UGT2A1: variants seen among roughly 807,000 people sequenced by gnomAD.
UGT2A1 encodes the protein UDP glucuronosyltransferase family 2 member A1 complex locus.
UGT2A1 carries 61 observed loss-of-function variants against 45.4 expected under a neutral mutation model. The ratio of observed to expected loss-of-function variants is 1.34; its 90% CI spans 1.09 to 1.66. The LOEUF (loss-of-function observed/expected upper bound fraction) is 1.66. Among genes scored for constraint, UGT2A1 ranks in the 40% most tolerant of loss-of-function variants. The pLI, the probability that UGT2A1 is intolerant of heterozygous loss-of-function variation, is 0.00. For synonymous variants in UGT2A1, 229 were observed against 196.2 expected, an observed-to-expected ratio of 1.17 and a Z score of -1.40; for missense variants, 649 against 574.3, an observed-to-expected ratio of 1.13 and a Z score of -1.33.
In UGT2A1 at chr4:69,647,373, A is replaced by G. The variant is rs1309846330; in HGVS notation, c.272T>C (p.Val91Ala). ...ERIEGVIKDFVLTWLENRPSP... is the reference protein window; with the variant it reads ...ERIEGVIKDFALTWLENRPSP... ...TGGTCTATTTTCCAGCCATGTCAAA[A>G]CGAAGTCCTTAATTACTCCTTCTAT... Residue 91 changes from valine (V) to alanine (A), a missense_variant, in exon 2 of 7, where the codon GTT becomes GCT. Transcript: ENST00000286604. 2.5e-6 allele frequency: 4 copies of G among 1,613,154 alleles called. No homozygotes were observed. In the African/African-American group the frequency reaches 5.3e-5, roughly 22 times the overall value.
rs555825196 is a variant in UGT2A1 at position 69,647,259 on chromosome 4, A to G, written c.386T>C (p.Val129Ala). The G allele has an allele frequency of 1.2e-6, 2 of 1,613,382 alleles. No individual in the cohort carries two copies. Among genetic ancestry groups the G allele is most frequent in the African/African-American group, 2.7e-5 (2 of 74,968 alleles). ...HMVSQEICDG[V>A]LKNQQLMAKL... is the part of the protein sequence containing the mutation. Reference sequence around the variant, plus strand: ...TGCCATCAGCTGTTGGTTTTTAAGAACGCCATCACAGATCTCCTGAGACAC... The same window carrying G: ...TGCCATCAGCTGTTGGTTTTTAAGAGCGCCATCACAGATCTCCTGAGACAC... The change falls in exon 2 of 7, where the codon GTT (valine) becomes GCT (alanine). Residue 129 changes from valine (V) to alanine (A), a missense_variant. Transcript: ENST00000286604.
chr4:69,610,004 T>C (rs1719937788), intron 3 of UGT2A1, among the ~76,000 whole-genome samples: 1 of 152,164 alleles, frequency 6.6e-6, no homozygotes. Flanking sequence ...AAATAACATA[T>C]AACTAGCAGA....
At chr4:69,613,609 T>G (rs758761470) in intron 3 of UGT2A1, among the ~76,000 whole-genome samples, 4 of 151,940 alleles carry the variant, frequency 2.6e-5, no homozygotes, top group Non-Finnish European at 4.4e-5. Flanking sequence ...CAACAACATA[T>G]TAAAAAGATC....
chr4:69,614,415 T>A (rs1583242), intron 3 of UGT2A1, among the ~76,000 whole-genome samples: 59,857 of 151,518 alleles, frequency 0.4, 12,109 homozygotes, highest in African/African-American at 0.47. Context: ...TACAGATTCA[T>A]TGCAATCCCT....
rs1719527007 is a variant in UGT2A1 at position 69,605,095 on chromosome 4, C to T, written c.848-5701G>A. On this transcript the variant is annotated intron_variant, in intron 3 of 6. Coordinates refer to ENST00000286604, the MANE Select transcript of UGT2A1 (RefSeq NM_001252275.3). ...CCTAATACACATCTACAGAATTATC[C>T]ACCCCAAATCAACAGAATATACATT... Among the ~76,000 whole-genome samples the T allele has an allele frequency of 1.5e-5, 2 of 136,764 alleles. 1 individual carries two copies. The highest frequency in any genetic ancestry group is 5.9e-5 in the African/African-American group (2 of 33,760). 89.7% of individuals were successfully genotyped at this position (136,764 alleles called of 152,430 possible).
intron 1 of UGT2A1, among the ~76,000 whole-genome samples, chr4:69,650,596 CA>C (rs1336486104): frequency 6.6e-6 from 1 of 151,520 alleles, no homozygotes; most frequent in Non-Finnish European, 1.5e-5. Flanking sequence ...AATGAATATA[CA>C]AAAAATACCA....
intron 4 of UGT2A1, among the ~76,000 whole-genome samples, chr4:69,596,836 T>C (rs1227584923): frequency 6.6e-6 from 1 of 152,168 alleles, no homozygotes; most frequent in African/African-American, 2.4e-5. Context: ...ATAGTCTCCT[T>C]AAGAGGAAAC....
intron 3 of UGT2A1, among the ~76,000 whole-genome samples, chr4:69,621,751 T>C (rs1720770542): frequency 6.6e-6 from 1 of 151,934 alleles, no homozygotes; most frequent in African/African-American, 2.4e-5. Flanking sequence ...GAAGTCAACC[T>C]AAATGCCTAT....
intron 3 of UGT2A1, among the ~76,000 whole-genome samples, chr4:69,612,823 G>T (rs1720142038): frequency 6.7e-6 from 1 of 150,086 alleles, no homozygotes; most frequent in Non-Finnish European, 1.5e-5. Flanking sequence ...CCATGGCAAA[G>T]AACTTTTGGC....
intron 2 of UGT2A1, among the ~76,000 whole-genome samples, chr4:69,643,960 T>C (rs567919428): frequency 1.3e-5 from 2 of 151,790 alleles, no homozygotes; most frequent in East Asian, 3.9e-4. Context: ...CACTCTGTCA[T>C]GTCAATACTT....
chr4:69,651,902 C>T (rs1722542084), intron 1 of UGT2A1, among the ~76,000 whole-genome samples: 1 of 152,170 alleles, frequency 6.6e-6, no homozygotes, highest in Non-Finnish European at 1.5e-5. Context: ...GTGGGCAGCC[C>T]ACCCTAAGGG....
At chr4:69,598,031 A>T (rs961130034) in intron 4 of UGT2A1, among the ~76,000 whole-genome samples, 2 of 152,070 alleles carry the variant, frequency 1.3e-5, no homozygotes, top group Admixed American at 1.3e-4. Flanking sequence ...TGGGAGGAAA[A>T]ACATAATAGG....
intron 2 of UGT2A1, among the ~76,000 whole-genome samples, chr4:69,642,471 T>C (rs1006469879): frequency 6.6e-6 from 1 of 151,776 alleles, no homozygotes; most frequent in African/African-American, 2.4e-5. Context: ...AAGACCTAAG[T>C]AGTAATGTAT....
At chr4:69,630,673 A>G (rs866099377) in intron 3 of UGT2A1, among the ~76,000 whole-genome samples, 4 of 152,160 alleles carry the variant, frequency 2.6e-5, no homozygotes, top group Non-Finnish European at 5.9e-5. Flanking sequence ...ACTGGTCACA[A>G]AATAAAAACC....
intron 3 of UGT2A1, among the ~76,000 whole-genome samples, chr4:69,629,917 A>C (rs1721291729): frequency 6.6e-6 from 1 of 152,098 alleles, no homozygotes; most frequent in Non-Finnish European, 1.5e-5. Flanking sequence ...ATTTTGGTAA[A>C]ACAAAATGTA....
intron 3 of UGT2A1, among the ~76,000 whole-genome samples, chr4:69,610,523 T>C (rs1246949873): frequency 6.6e-6 from 1 of 152,184 alleles, no homozygotes; most frequent in Admixed American, 6.6e-5. Flanking sequence ...ACACAAACTT[T>C]AAATAATCTG....
At chr4:69,637,928 C>CAGGA (rs989226820) in intron 2 of UGT2A1, among the ~76,000 whole-genome samples, 65 of 117,114 alleles carry the variant, frequency 5.6e-4, no homozygotes, top group African/African-American at 2.1e-3. Flanking sequence ...GGCAGGCAGG[C>CAGGA]AGGAAGGAAG....
chr4:69,641,256 G>A (rs1722034735), intron 2 of UGT2A1, among the ~76,000 whole-genome samples: 1 of 151,850 alleles, frequency 6.6e-6, no homozygotes, highest in African/African-American at 2.4e-5. Context: ...CTAATTTAGT[G>A]AAGAACAATA....
At chr4:69,633,132 G>A (rs965852199) in intron 3 of UGT2A1, among the ~76,000 whole-genome samples, 38 of 152,122 alleles carry the variant, frequency 2.5e-4, no homozygotes, top group African/African-American at 9.2e-4. Context: ...AAAGGTCTGG[G>A]TAGTGGCCTT....
Sources: gnomAD v4.1 joint callset for allele counts (sites outside exome capture counted in the v4.1 genomes callset) on GRCh38, gnomAD v4.1.1 for gene constraint, MANE v1.5 for transcripts, NCBI Gene and HGNC (gene_info 2026-07-23, HGNC 2026-07-21) for gene names.